SFXN2: variants seen among roughly 807,000 people sequenced by gnomAD.
SFXN2 encodes the protein sideroflexin-2.
Under a neutral mutation model 41.9 loss-of-function variants are expected in SFXN2, and 37 were observed. The ratio of observed to expected loss-of-function variants is 0.88; its 90% CI spans 0.68 to 1.16. The LOEUF (loss-of-function observed/expected upper bound fraction) is 1.16, where lower values mean the gene tolerates loss of function less well. SFXN2 is among the 50% of genes most tolerant of loss of function. The pLI, the probability that SFXN2 is intolerant of heterozygous loss-of-function variation, is 0.00. For synonymous variants in SFXN2, 150 were observed against 156.7 expected (o/e 0.96, Z 0.32); for missense variants, 386 against 425.2 (o/e 0.91, Z 0.81).
intron 1 of SFXN2, chr10:102,716,664 G>A (rs1396368511): frequency 6.8e-6 from 1 of 147,906 alleles, no homozygotes; most frequent in African/African-American, 2.5e-5. Context: ...CACCTCTCGG[G>A]TTCAAACGAT....
chr10:102,735,506 C>G (rs1317307363), intron 10 of SFXN2, among the ~76,000 whole-genome samples: 1 of 152,100 alleles, frequency 6.6e-6, no homozygotes, highest in Non-Finnish European at 1.5e-5. Context: ...GCTCCTCCCC[C>G]TCCAAGTTTC....
rs190234826 is a variant in SFXN2 at position 102,715,392 on chromosome 10, A to G, written c.-26+711A>G. The G allele has an allele frequency of 6.6e-5, 10 of 152,378 alleles. No individual in the cohort carries two copies. The East Asian group carries it at 1.9e-3, about 30-fold the overall frequency. The allele number at this position is 152,378 out of a possible 1,614,324, so 9.4% of individuals were successfully genotyped here. A position where few individuals can be genotyped will look rare whatever the true frequency, so the allele number is the denominator to read the frequency against. On this transcript the variant is annotated intron_variant, in intron 1 of 11. Transcript: ENST00000369893. ...GCTGCTTTGGACAGGACCGCGTACC[A>G]TCTGTAGTCCTGGAGGAGGCAAAAA...
intron 8 of SFXN2, among the ~76,000 whole-genome samples, chr10:102,732,645 T>C (rs2064720943): frequency 6.6e-6 from 1 of 152,160 alleles, no homozygotes; most frequent in African/African-American, 2.4e-5. Context: ...AGTGTGCAGG[T>C]TGAGAAGCTT....
At chr10:102,726,371 C>G in intron 1 of SFXN2, 1 of 480,662 alleles carries the variant, frequency 2.1e-6, no homozygotes, top group South Asian at 2.5e-5. Flanking sequence ...GTATTGTCCC[C>G]TTTTCCAGTC....
chr10:102,726,997 G>T lies in SFXN2; in HGVS notation c.172G>T (p.Val58Leu). ...VMVEKSRMGV[V>L]PPGTQVEQLL... is the part of the protein sequence containing the mutation. ...GTCCTTGGGTGGCAGGATGGGGGTT[G>T]TGCCCCCAGGCACCCAAGTGGAGCA... The change falls in exon 3 of 12, where the codon GTG becomes TTG. Residue 58 changes from valine to leucine, a missense_variant. By Grantham distance (32) the Val-to-Leu change is conservative. Coordinates refer to ENST00000369893, the MANE Select transcript of SFXN2 (RefSeq NM_178858.6). 1 of 1,598,136 alleles carries T rather than the reference G, an allele frequency of 6.3e-7. No homozygotes were observed. Among genetic ancestry groups the T allele is most frequent in the Non-Finnish European group, 8.6e-7 (1 of 1,167,336 alleles).
At chr10:102,728,619 A>T (rs945806716) in intron 4 of SFXN2, 90 bp downstream of exon 4, 1 of 1,098,092 alleles carries the variant, frequency 9.1e-7, no homozygotes, top group African/African-American at 1.5e-5. Flanking sequence ...CCTGGGTAGC[A>T]CCTGCACTGA....
Position 102,729,461 on chromosome 10 carries a change from T to G in SFXN2, c.507+67T>G, listed in dbSNP as rs984247426. 6 of 1,561,686 alleles carry G rather than the reference T, an allele frequency of 3.8e-6. No homozygotes were observed. In the African/African-American group the frequency reaches 8.1e-5, roughly 21 times the overall value. The stretch of plus-strand genomic sequence containing the variant: ...CAGCAGAGTCCTAGGGAAAACGTCC[T>G]TCCCCCAGGGACAGTTCCCCAGGCT... On this transcript the variant is annotated intron_variant, in intron 5 of 11. Transcript: ENST00000369893.
intron 1 of SFXN2, among the ~76,000 whole-genome samples, chr10:102,723,017 C>T (rs1480927878): frequency 3.7e-5 from 5 of 136,776 alleles, no homozygotes; most frequent in African/African-American, 5.5e-5. Flanking sequence ...CTGCAGCCTC[C>T]GCCTCCTGGG....
Position 102,740,548 on chromosome 10 carries a change from G to C in SFXN2, c.*2786G>C, listed in dbSNP as rs1362491147. On this transcript the variant is annotated 3_prime_UTR_variant, in exon 12 of 12. Transcript: ENST00000369893. ...CAGAACATTTTTCTTAGCCCCAAAA[G>C]AAACCCCATACCCATTGGCAGTCAC... 6.6e-6 allele frequency: 1 copy of C among 152,140 alleles called. No individual in the cohort carries two copies. The highest frequency in any genetic ancestry group is 1.5e-5 in the Non-Finnish European group (1 of 68,050). The allele number at this position is 152,140 out of a possible 1,614,324, so 9.4% of individuals were successfully genotyped here. A position where few individuals can be genotyped will look rare whatever the true frequency, so the allele number is the denominator to read the frequency against.
intron 10 of SFXN2, 98 bp downstream of exon 10, chr10:102,733,701 C>T (rs2064735782): frequency 2.9e-6 from 3 of 1,019,950 alleles, no homozygotes; most frequent in Non-Finnish European, 3.1e-6. Flanking sequence ...TACTCCTTTA[C>T]CTGACTTTAA....
At chr10:102,735,641 G>A (rs566472064) in intron 10 of SFXN2, among the ~76,000 whole-genome samples, 2 of 152,288 alleles carry the variant, frequency 1.3e-5, no homozygotes, top group East Asian at 3.9e-4. Flanking sequence ...CAGTAAGGGT[G>A]GGAATGAGTG....
chr10:102,718,997 C>G (rs1317476152), intron 1 of SFXN2, among the ~76,000 whole-genome samples: 1 of 145,088 alleles, frequency 6.9e-6, no homozygotes, highest in Non-Finnish European at 1.5e-5. Flanking sequence ...CATCTCGGCT[C>G]GCTGCAACCT....
intron 4 of SFXN2, among the ~76,000 whole-genome samples, 158 bp from the exon 5 acceptor site, chr10:102,729,161 C>T (rs1390788144): frequency 6.6e-6 from 1 of 152,204 alleles, no homozygotes; most frequent in African/African-American, 2.4e-5. Flanking sequence ...GGCTGGAGCA[C>T]TGTGAGTGAG....
At chr10:102,735,728 T>C in intron 10 of SFXN2, 134 bp from the exon 11 acceptor site, 1 of 850,236 alleles carries the variant, frequency 1.2e-6, no homozygotes, top group Non-Finnish European at 2.0e-6. Context: ...GGAGGAGGGT[T>C]GGAGGGAGAG....
At chr10:102,718,918 C>CTTTTTTTTTT (rs34471332) in intron 1 of SFXN2, among the ~76,000 whole-genome samples, 2 of 74,302 alleles carry the variant, frequency 2.7e-5, no homozygotes, top group African/African-American at 5.3e-5. Context: ...TTCTCGGCTT[C>CTTTTTTTTTT]TTTTTTTTTT....
chr10:102,723,068 ACTG>A (rs1403948381), intron 1 of SFXN2, among the ~76,000 whole-genome samples: 1 of 149,868 alleles, frequency 6.7e-6, no homozygotes, highest in Non-Finnish European at 1.5e-5. Context: ...AGTAGCTGGG[ACTG>A]CAGGTGTGCA....
Position 102,731,389 on chromosome 10 carries a change from C to G in SFXN2, c.594-334C>G, listed in dbSNP as rs2064702005. On this transcript the variant is annotated intron_variant, in intron 6 of 11. Coordinates refer to ENST00000369893, the MANE Select transcript of SFXN2 (RefSeq NM_178858.6). ...TATCTCATTTAATCCTTACCAGGTC[C>G]TGTAAAGTGGGTGCCAGGATGATCC... Among the ~76,000 whole-genome samples the G allele has an allele frequency of 1.3e-5, 2 of 152,010 alleles. 1 individual carries two copies. The highest frequency in any genetic ancestry group is 4.8e-5 in the African/African-American group (2 of 41,366).
chr10:102,717,124 CTTTTTT>C (rs55839661), intron 1 of SFXN2, among the ~76,000 whole-genome samples: 1 of 97,244 alleles, frequency 1.0e-5, no homozygotes, highest in Non-Finnish European at 1.9e-5. Flanking sequence ...TTCTCTCTCT[CTTTTTT>C]TTTTTTTTTT....
At chr10:102,726,966 C>T (rs746150720) in intron 2 of SFXN2, 21 bp from the exon 3 acceptor site, 2 of 1,589,286 alleles carry the variant, frequency 1.3e-6, no homozygotes, top group Middle Eastern at 4.1e-4. Context: ...ATGGTGACTG[C>T]CTGCTGTCCT....
Sources: gnomAD v4.1 joint callset for allele counts (sites outside exome capture counted in the v4.1 genomes callset) on GRCh38, gnomAD v4.1.1 for gene constraint, MANE v1.5 for transcripts, NCBI Gene and HGNC (gene_info 2026-07-23, HGNC 2026-07-21) for gene names.